The following SLC1A2 variants were observed in gnomAD, a reference collection of about 807,000 sequenced individuals.
SLC1A2 encodes excitatory amino acid transporter 2.
In SLC1A2, 15 loss-of-function variants were observed where a neutral mutation model predicts 48.8. The ratio of observed to expected loss-of-function variants is 0.31; its 90% CI spans 0.21 to 0.47. SLC1A2 has a LOEUF of 0.47. Ranked by LOEUF, SLC1A2 falls within the 20% of genes least tolerant of loss-of-function variation. The pLI is 0.99. For missense variants in SLC1A2, 502 were observed against 730.5 expected (o/e 0.69, Z 3.61); for synonymous variants, 279 against 272.6 (o/e 1.02, Z -0.23).
At chr11:35,272,664 C>G (rs1298848132) in intron 9 of SLC1A2, among the ~76,000 whole-genome samples, 2 of 152,234 alleles carry the variant, frequency 1.3e-5, no homozygotes. Context: ...TCAGGAAACC[C>G]TGTCTTTCGC....
intron 9 of SLC1A2, among the ~76,000 whole-genome samples, chr11:35,276,534 G>GT (rs772035628): frequency 6.6e-6 from 1 of 152,140 alleles, no homozygotes; most frequent in Non-Finnish European, 1.5e-5. Context: ...TCCTTTGCAA[G>GT]TGTAAGCATG....
chr11:35,266,141 C>G (rs1311354133), intron 9 of SLC1A2, among the ~76,000 whole-genome samples: 1 of 152,198 alleles, frequency 6.6e-6, no homozygotes, highest in Non-Finnish European at 1.5e-5. Context: ...TAGCTGAGTA[C>G]AGCAACCCCT....
At chr11:35,264,062 C>T (rs1372611355) in intron 10 of SLC1A2, 1 of 152,192 alleles carries the variant, frequency 6.6e-6, no homozygotes, top group African/African-American at 2.4e-5. Context: ...CCTCTAGGTA[C>T]ATCTGAATTT....
intron 1 of SLC1A2, among the ~76,000 whole-genome samples, chr11:35,321,061 A>C (rs186265714): frequency 6.6e-6 from 1 of 152,222 alleles, no homozygotes; most frequent in Admixed American, 6.5e-5. Context: ...TCATGGTGGA[A>C]GGGGAAGAGA....
chr11:35,372,484 G>T (rs1285632363), intron 1 of SLC1A2, among the ~76,000 whole-genome samples: 2 of 152,188 alleles, frequency 1.3e-5, no homozygotes, highest in Non-Finnish European at 1.5e-5. Flanking sequence ...ATTTATTTGA[G>T]ATATTTATCC....
chr11:35,410,617 T>C (rs1361467991), intron 1 of SLC1A2, among the ~76,000 whole-genome samples: 1 of 152,188 alleles, frequency 6.6e-6, no homozygotes, highest in Non-Finnish European at 1.5e-5. Context: ...CTGGGCATGT[T>C]GATAAGTGAC....
intron 1 of SLC1A2, chr11:35,322,557 C>A: frequency 6.6e-7 from 1 of 1,508,920 alleles, no homozygotes. Flanking sequence ...TGGGCTTCAC[C>A]CACCTGTCCT....
chr11:35,361,267 G>T (rs1180311677), intron 1 of SLC1A2, among the ~76,000 whole-genome samples: 1 of 152,134 alleles, frequency 6.6e-6, no homozygotes, highest in Non-Finnish European at 1.5e-5. Context: ...TTTATTAAAG[G>T]CTCTGAGAAA....
At chr11:35,390,133 C>T (rs1483762940) in intron 1 of SLC1A2, among the ~76,000 whole-genome samples, 2 of 152,182 alleles carry the variant, frequency 1.3e-5, no homozygotes, top group Non-Finnish European at 2.9e-5. Context: ...CTAAACACCC[C>T]AGTTAGCCTG....
intron 1 of SLC1A2, among the ~76,000 whole-genome samples, chr11:35,401,315 C>G (rs1055981353): frequency 1.3e-5 from 2 of 152,184 alleles, no homozygotes; most frequent in Non-Finnish European, 2.9e-5. Flanking sequence ...CAAGAGACAG[C>G]TTTTGCAGGG....
At position 35,419,064 on chromosome 11, in the gene SLC1A2, G is replaced by A. The variant is rs1327188796; in HGVS notation, c.-98C>T. 5 of 1,109,134 alleles carry A rather than the reference G, an allele frequency of 4.5e-6. No homozygotes were observed. In the African/African-American group the frequency reaches 8.0e-5, roughly 18 times the overall value. The allele number at this position is 1,109,134 out of a possible 1,614,324, so 68.7% of individuals were successfully genotyped here. On this transcript the variant is annotated 5_prime_UTR_variant, in exon 1 of 11. Transcript: ENST00000278379. This position sits in a 1 kb window ranked among gnomAD's most constrained non-coding sequence, Gnocchi z 5.4. Reference sequence around the variant, plus strand: ...TGAGCGCGAAGTGCGGCCGGGAGCGGTATTTAAGAGGAGCCTCTGCCCGCC... The same window carrying A: ...TGAGCGCGAAGTGCGGCCGGGAGCGATATTTAAGAGGAGCCTCTGCCCGCC...
chr11:35,292,446 C>A lies in SLC1A2; in HGVS notation c.932G>T (p.Arg311Met). 17 of 1,613,964 alleles carry A rather than the reference C, an allele frequency of 1.1e-5. No homozygotes were observed. Among genetic ancestry groups the A allele is most frequent in the Non-Finnish European group, 1.4e-5 (16 of 1,179,906 alleles). ...TGTTACCATGTACATCCCCAGTTGC[C>A]TAGCAACCACTTCTAAGTCCTTGAT... ...IAIKDLEVVARQLGMYMVTVI... is the reference protein window; with the variant it reads ...IAIKDLEVVAMQLGMYMVTVI... The change falls in exon 7 of 11, where the codon AGG (arginine) becomes ATG (methionine). Residue 311 changes from arginine (R) to methionine (M), a missense_variant. Coordinates refer to ENST00000278379, the MANE Select transcript of SLC1A2 (RefSeq NM_004171.4).
intron 4 of SLC1A2, among the ~76,000 whole-genome samples, chr11:35,311,137 A>G (rs1276640562): frequency 6.6e-6 from 1 of 152,154 alleles, no homozygotes; most frequent in African/African-American, 2.4e-5. Flanking sequence ...ACAATGGAGT[A>G]CCATTGGGTT....
upstream of SLC1A2, chr11:35,419,788 C>A (rs1463835743): frequency 3.1e-6 from 1 of 320,366 alleles, no homozygotes; most frequent in South Asian, 2.4e-5. This position sits in a 1 kb window ranked among gnomAD's most constrained non-coding sequence, Gnocchi z 5.4. Flanking sequence ...TCACCCCGTG[C>A]GGGGTGAAGC....
intron 1 of SLC1A2, among the ~76,000 whole-genome samples, chr11:35,354,134 G>A (rs12269851): frequency 0.025 from 3,814 of 152,116 alleles, 133 homozygotes; most frequent in East Asian, 0.097. Flanking sequence ...GTGGCATACT[G>A]GGACAAGAGG....
chr11:35,262,289 C>A (rs983672033), intron 10 of SLC1A2, among the ~76,000 whole-genome samples: 5 of 152,190 alleles, frequency 3.3e-5, no homozygotes, highest in African/African-American at 1.2e-4. Flanking sequence ...AGTGTGGTGC[C>A]TTTGAAAGAC....
chr11:35,375,311 A>G (rs954696133), intron 1 of SLC1A2, among the ~76,000 whole-genome samples: 1 of 152,266 alleles, frequency 6.6e-6, no homozygotes, highest in Admixed American at 6.5e-5. Context: ...AAACCCAGTC[A>G]GTCCTTCCAG....
At chr11:35,389,326 G>A (rs549295395) in intron 1 of SLC1A2, among the ~76,000 whole-genome samples, 182 of 152,290 alleles carry the variant, frequency 1.2e-3, no homozygotes, top group African/African-American at 4.2e-3. Context: ...AGCCCAGCAG[G>A]TGAGGAAGGA....
At chr11:35,394,041 T>C (rs1377455202) in intron 1 of SLC1A2, among the ~76,000 whole-genome samples, 1 of 152,024 alleles carries the variant, frequency 6.6e-6, no homozygotes, top group Non-Finnish European at 1.5e-5. Flanking sequence ...AGCCCTTCCT[T>C]CCTCCCTTGG....
Sources: gnomAD v4.1 joint callset for allele counts (sites outside exome capture counted in the v4.1 genomes callset) on GRCh38, gnomAD v4.1.1 for gene constraint, Gnocchi (gnomAD v3.1) non-coding constraint, MANE v1.5 for transcripts, NCBI Gene and HGNC (gene_info 2026-07-23, HGNC 2026-07-21) for gene names.